The following RIPK1 variants were observed in gnomAD, a reference collection of about 807,000 sequenced individuals.
RIPK1 encodes receptor interacting serine/threonine kinase 1.
In RIPK1, 27 loss-of-function variants were observed where a neutral mutation model predicts 62.4. The observed-to-expected ratio is 0.43, with a 90% confidence interval of 0.32 to 0.60. The LOEUF is 0.60. RIPK1 is among the 20% of genes least tolerant of loss of function. RIPK1 has a pLI of 0.07. For synonymous variants in RIPK1, 287 were observed against 303.2 expected (o/e 0.95, Z 0.55); for missense variants, 735 against 831.0 (o/e 0.88, Z 1.42).
At chr6:3,068,291 C>T (rs1008509534), upstream of RIPK1, 5 of 985,598 alleles carry the variant, frequency 5.1e-6, no homozygotes, top group East Asian at 5.7e-4. Flanking sequence ...AGACCCTTCT[C>T]CCTCTCGTGC....
rs112377156 is a variant in RIPK1, at chr6:3,099,846, G to A, written c.916-4379G>A. The stretch of plus-strand genomic sequence containing the variant: ...CCACAAGCCCATAAGTTTGGCTGCA[G>A]TTCTACTCTCAGTAATCTATACTGC... On this transcript the variant is annotated intron_variant, in intron 7 of 10. Transcript: ENST00000259808. Among the ~76,000 whole-genome samples, 804 of 152,326 alleles carry A rather than the reference G, an allele frequency of 5.3e-3. 7 individuals are homozygous for A. Among genetic ancestry groups the A allele is most frequent in the African/African-American group, 0.019 (787 of 41,578 alleles).
chr6:3,107,882 A>G (rs376435022), intron 9 of RIPK1, among the ~76,000 whole-genome samples: 256 of 152,074 alleles, frequency 1.7e-3, no homozygotes, highest in African/African-American at 6.0e-3. Flanking sequence ...TTTCAGTGGG[A>G]AAGGGGCGCT....
chr6:3,083,127 C>T lies in RIPK1; in HGVS notation c.502C>T (p.Leu168=), dbSNP rs945300887. 9 of 1,613,862 alleles carry T rather than the reference C, an allele frequency of 5.6e-6. No individual in the cohort carries two copies. In the African/African-American group the frequency reaches 9.3e-5, roughly 17 times the overall value. ...TGCCTCCTTTAAGATGTGGAGCAAA[C>T]TGAATAATGAAGAGCACAATGAGCT... ...GLASFKMWSK[L]NNEEHNELRE... Residue 168 remains leucine, a synonymous_variant, in exon 5 of 11, where the codon CTG becomes TTG. Coordinates refer to ENST00000259808, the MANE Select transcript of RIPK1 (RefSeq NM_001354930.2).
intron 6 of RIPK1, among the ~76,000 whole-genome samples, chr6:3,086,262 A>G (rs1330995017): frequency 6.6e-6 from 1 of 152,216 alleles, no homozygotes; most frequent in African/African-American, 2.4e-5. Flanking sequence ...ATTCGTGGAC[A>G]TGTTTTTGTG....
chr6:3,098,449 A>G (rs1229463475), intron 7 of RIPK1, among the ~76,000 whole-genome samples: 1 of 152,280 alleles, frequency 6.6e-6, no homozygotes, highest in Non-Finnish European at 1.5e-5. Context: ...ATTGGCAAAT[A>G]TGGCAAGGCT....
intron 1 of RIPK1, among the ~76,000 whole-genome samples, chr6:3,071,652 A>G (rs964151863): frequency 6.6e-6 from 1 of 152,186 alleles, no homozygotes; most frequent in African/African-American, 2.4e-5. Context: ...AGAGGGGTGG[A>G]TAGGAAAAAC....
intron 6 of RIPK1, 42 bp downstream of exon 6, chr6:3,085,450 G>C: frequency 6.3e-7 from 1 of 1,598,178 alleles, no homozygotes; most frequent in Non-Finnish European, 8.6e-7. Context: ...CATCCTGTGT[G>C]GTGATTTTCC....
upstream of RIPK1, chr6:3,068,415 TC>T: frequency 1.0e-6 from 1 of 985,430 alleles, no homozygotes; most frequent in Non-Finnish European, 1.2e-6. Flanking sequence ...GGGCGCGAGG[TC>T]CCACGAGCGG....
chr6:3,113,364 A>G lies in RIPK1; in HGVS notation c.*25A>G, dbSNP rs1320092230. On this transcript the variant is annotated 3_prime_UTR_variant, in exon 11 of 11. Transcript: ENST00000259808. The surrounding 1 kb of genome is among the most constrained non-coding windows in gnomAD (Gnocchi z 5.0). ...ACCCTGGATGGGCTACGGCAGCTGA[A>G]GTGGACGCCTCACTTAGTGGATAAC... 6.3e-7 allele frequency: 1 copy of G among 1,599,188 alleles called. No homozygotes were observed. Among genetic ancestry groups the G allele is most frequent in the Non-Finnish European group, 8.5e-7 (1 of 1,171,242 alleles).
At chr6:3,110,735 G>A in intron 9 of RIPK1, 68 bp from the exon 10 acceptor site, 1 of 973,442 alleles carries the variant, frequency 1.0e-6, no homozygotes, top group South Asian at 1.8e-5. Flanking sequence ...CTGCTTTTTT[G>A]CCATGCTGTA....
At chr6:3,073,043 C>T (rs1758821289) in intron 1 of RIPK1, among the ~76,000 whole-genome samples, 1 of 152,092 alleles carries the variant, frequency 6.6e-6, no homozygotes, top group South Asian at 2.1e-4. Flanking sequence ...ATGTGGGCGG[C>T]TGGGCCAACC....
rs1758778622 is a variant in RIPK1 at position 3,072,551 on chromosome 6, C to CT, written c.-61+3895dup. On this transcript the variant is annotated intron_variant, in intron 1 of 10. Transcript: ENST00000259808. The surrounding 1 kb of genome is among the most constrained non-coding windows in gnomAD (Gnocchi z 5.6). ...TTTTTTTGGACAATTAAATAGTTCTCTTTTTAAAATAGTTATTCAATTGAT... is the reference window on the plus strand; with the variant it reads ...TTTTTTTGGACAATTAAATAGTTCTCTTTTTTAAAATAGTTATTCAATTGAT... 6.6e-6 allele frequency among the ~76,000 whole-genome samples: 1 copy of CT among 152,028 alleles called. No homozygotes were observed. Among genetic ancestry groups the CT allele is most frequent in the Non-Finnish European group, 1.5e-5 (1 of 68,018 alleles).
intron 1 of RIPK1, among the ~76,000 whole-genome samples, chr6:3,073,483 G>C (rs1411817178): frequency 6.6e-6 from 1 of 152,082 alleles, no homozygotes; most frequent in Non-Finnish European, 1.5e-5. Context: ...CGGAGCTATG[G>C]CTCCTGGTCT....
chr6:3,073,531 T>C lies in RIPK1; in HGVS notation c.-60-3233T>C, dbSNP rs76222806. Among the ~76,000 whole-genome samples the C allele has an allele frequency of 8.4e-3, 1,280 of 152,132 alleles. 12 individuals are homozygous for C. The highest frequency in any genetic ancestry group is 0.014 in the Non-Finnish European group (943 of 67,984). On this transcript the variant is annotated intron_variant, in intron 1 of 10. Coordinates refer to ENST00000259808, the MANE Select transcript of RIPK1 (RefSeq NM_001354930.2). ...GTGTGCCTCACCCCACCCCTCAGTC[T>C]TCAGGCCTTCATCTAGGCAGCCCCC...
In RIPK1 at chr6:3,113,325, G is replaced by C. The variant is rs755615425; in HGVS notation, c.2002G>C (p.Val668Leu). ...RIDLLSSLIY[V>L]SQN ...CGACCTTCTGAGCAGCTTGATTTAC[G>C]TCAGCCAGAACTAACCCTGGATGGG... is the stretch of plus-strand genomic sequence containing the variant. The change falls in exon 11 of 11, where the codon GTC (valine) becomes CTC (leucine). Residue 668 changes from valine to leucine, a missense_variant. Val to Leu is a conservative substitution (Grantham distance 32, BLOSUM62 1). Coordinates refer to ENST00000259808, the MANE Select transcript of RIPK1 (RefSeq NM_001354930.2). This position sits in a 1 kb window ranked among gnomAD's most constrained non-coding sequence, Gnocchi z 5.0. 2.5e-6 allele frequency: 4 copies of C among 1,613,664 alleles called. No homozygotes were observed. The highest frequency in any genetic ancestry group is 1.1e-5 in the South Asian group (1 of 91,060).
intron 7 of RIPK1, among the ~76,000 whole-genome samples, chr6:3,101,365 G>T (rs1760580908): frequency 6.6e-6 from 1 of 152,270 alleles, no homozygotes; most frequent in Non-Finnish European, 1.5e-5. Flanking sequence ...CAAGCTGGGA[G>T]GATTGCTTGA....
rs565090254 is a variant in RIPK1, at chr6:3,075,143, CA to C, written c.-60-1618del. Among the ~76,000 whole-genome samples the C allele has an allele frequency of 1.7e-3, 253 of 152,304 alleles. 1 individual carries two copies. The highest frequency in any genetic ancestry group is 2.1e-3 in the Non-Finnish European group (142 of 68,028). On this transcript the variant is annotated intron_variant, in intron 1 of 10. Coordinates refer to ENST00000259808, the MANE Select transcript of RIPK1 (RefSeq NM_001354930.2). ...CGAAGCTTTTTGCCAGCCCTTTTCC[CA>C]AAGTGTTTGTACCATTTTATACTCC...
chr6:3,106,773 A>C (rs753988570), intron 9 of RIPK1, among the ~76,000 whole-genome samples: 9 of 152,238 alleles, frequency 5.9e-5, no homozygotes, highest in Non-Finnish European at 8.8e-5. Context: ...GATTTCTTCC[A>C]TAGGTTTTAT....
upstream of RIPK1, among the ~76,000 whole-genome samples, chr6:3,067,119 T>C (rs1002960132): frequency 1.4e-5 from 2 of 144,212 alleles, no homozygotes; most frequent in African/African-American, 2.5e-5. Flanking sequence ...TATTCCATTG[T>C]ATAGATGTAC....
Sources: allele counts gnomAD v4.1 joint callset (sites outside exome capture counted in the v4.1 genomes callset), GRCh38; gene constraint gnomAD v4.1.1; non-coding constraint Gnocchi (gnomAD v3.1); transcripts MANE v1.5; gene names NCBI Gene and HGNC (gene_info 2026-07-23, HGNC 2026-07-21).